Variants in ICOS observed in about 807,000 individuals in gnomAD.
The protein encoded by ICOS is inducible T-cell costimulator.
In ICOS, 15 loss-of-function variants were observed where a neutral mutation model predicts 24.6. The ratio of observed to expected loss-of-function variants is 0.61; its 90% CI spans 0.41 to 0.94. The LOEUF is 0.94. Among genes scored for constraint, ICOS ranks in the 40% least tolerant of loss-of-function variants. The probability of loss-of-function intolerance (pLI) is 0.00; values close to 1 mark genes in which losing one functional copy is unlikely to be tolerated. For missense variants in ICOS, 200 were observed against 233.0 expected (o/e 0.86, Z 0.92); for synonymous variants, 89 against 77.5 (o/e 1.15, Z -0.78).
rs55655222 is a variant in ICOS at position 203,959,590 on chromosome 2, G to A, written c.591G>A (p.Val197=). 9.5e-5 allele frequency: 154 copies of A among 1,613,178 alleles called. No homozygotes were observed. The East Asian group carries it at 3.3e-3, about 35-fold the overall frequency. ...TATGCTGAATTTTTGTTACAGATGTGACCCTATAATATGGAACTCTGGCAC... is the reference window on the plus strand; with the variant it reads ...TATGCTGAATTTTTGTTACAGATGTAACCCTATAATATGGAACTCTGGCAC... ...NTAKKSRLTD[V]TL The change falls in exon 5 of 5, where the codon GTG becomes GTA. Residue 197 remains valine, a synonymous_variant. Transcript: ENST00000316386.
At chr2:203,949,389 T>C (rs1689929189) in intron 1 of ICOS, among the ~76,000 whole-genome samples, 1 of 152,206 alleles carries the variant, frequency 6.6e-6, no homozygotes. Context: ...AAATCTTTCA[T>C]GCACCCAGGA....
chr2:203,940,770 T>G (rs1185618318), intron 1 of ICOS, among the ~76,000 whole-genome samples: 1 of 152,098 alleles, frequency 6.6e-6, no homozygotes, highest in East Asian at 1.9e-4. Context: ...CCTCTGTTTC[T>G]CTTTCTGTGT....
rs10932029 is a variant in ICOS at position 203,937,045 on chromosome 2, T to C, written c.58+173T>C. ...GTCACTCATGTCACTGTGGATGGCA[T>C]TGAGTTTGCATTGCTGCCTTTGATA... On this transcript the variant is annotated intron_variant, in intron 1 of 4. Transcript: ENST00000316386. Among the ~76,000 whole-genome samples the C allele has an allele frequency of 0.11, 17,376 of 152,124 alleles. 1,261 individuals are homozygous for C. Among genetic ancestry groups the C allele is most frequent in the South Asian group, 0.17 (830 of 4,808 alleles).
intron 1 of ICOS, among the ~76,000 whole-genome samples, chr2:203,955,297 T>C (rs1264781220): frequency 6.6e-6 from 1 of 152,164 alleles, no homozygotes; most frequent in Non-Finnish European, 1.5e-5. Context: ...TTACTACATA[T>C]TTATTCCTTT....
chr2:203,955,988 A>G lies in ICOS; in HGVS notation c.394+17A>G, dbSNP rs773108522. 3.2e-6 allele frequency: 5 copies of G among 1,553,094 alleles called. No individual in the cohort carries two copies. The Admixed American group carries it at 6.7e-5, about 21-fold the overall frequency. On this transcript the variant is annotated intron_variant, in intron 2 of 4. Coordinates refer to ENST00000316386, the MANE Select transcript of ICOS (RefSeq NM_012092.4). ...ATATTTATGGTAAGACATTGCTTTC[A>G]TCTTCCAAACTTAAGAGTATATATA...
chr2:203,953,938 C>CA (rs1177442668), intron 1 of ICOS, among the ~76,000 whole-genome samples: 1 of 151,966 alleles, frequency 6.6e-6, no homozygotes, highest in Non-Finnish European at 1.5e-5. Flanking sequence ...AGATAAAGAG[C>CA]AAAAATATAC....
At chr2:203,955,030 C>G (rs1238754374) in intron 1 of ICOS, among the ~76,000 whole-genome samples, 1 of 151,942 alleles carries the variant, frequency 6.6e-6, no homozygotes, top group Non-Finnish European at 1.5e-5. Flanking sequence ...ACACATGGTT[C>G]TTGTCAGAGT....
intron 1 of ICOS, among the ~76,000 whole-genome samples, chr2:203,937,801 A>C (rs1287248696): frequency 6.6e-6 from 1 of 152,174 alleles, no homozygotes; most frequent in Non-Finnish European, 1.5e-5. Flanking sequence ...AATCAAATTG[A>C]TCAAATGTTT....
chr2:203,957,519 A>T (rs1690098036), intron 3 of ICOS, among the ~76,000 whole-genome samples: 1 of 152,168 alleles, frequency 6.6e-6, no homozygotes, highest in Admixed American at 6.5e-5. Context: ...TGGAATTTGG[A>T]AAGAGACATA....
chr2:203,954,515 G>A (rs1334517008), intron 1 of ICOS, among the ~76,000 whole-genome samples: 1 of 152,120 alleles, frequency 6.6e-6, no homozygotes, highest in African/African-American at 2.4e-5. Context: ...CTTGAGTCAA[G>A]GAAGTGGAGG....
intron 1 of ICOS, 55 bp downstream of exon 1, chr2:203,936,927 A>G (rs893592606): frequency 4.4e-6 from 6 of 1,371,432 alleles, no homozygotes; most frequent in Non-Finnish European, 6.2e-6. Context: ...AAACATTAAG[A>G]AAAAGCAAAG....
rs1205218960 is a variant in ICOS at position 203,960,443 on chromosome 2, G to A, written c.*844G>A. ...TTCTTTTCTCAAATTCAGTTAAAAT[G>A]GTTTACTTTGTTCAAGTTAGTGGTA... On this transcript the variant is annotated 3_prime_UTR_variant, in exon 5 of 5. Coordinates refer to ENST00000316386, the MANE Select transcript of ICOS (RefSeq NM_012092.4). 1.3e-5 allele frequency: 2 copies of A among 152,052 alleles called. No individual in the cohort carries two copies. The highest frequency in any genetic ancestry group is 1.3e-4 in the Admixed American group (2 of 15,272). 9.4% of individuals were successfully genotyped at this position (152,052 alleles called of 1,614,324 possible).
intron 1 of ICOS, among the ~76,000 whole-genome samples, chr2:203,952,291 T>G (rs1461354277): frequency 6.6e-6 from 1 of 152,224 alleles, no homozygotes; most frequent in African/African-American, 2.4e-5. Context: ...TATACTTCAC[T>G]TAGAAAAGTT....
intron 1 of ICOS, among the ~76,000 whole-genome samples, chr2:203,952,314 T>A (rs1474305058): frequency 2.6e-5 from 4 of 152,234 alleles, no homozygotes; most frequent in African/African-American, 9.6e-5. Context: ...AAATTACATA[T>A]ACCTTCACTA....
intron 1 of ICOS, among the ~76,000 whole-genome samples, chr2:203,940,922 T>C (rs1008486852): frequency 6.6e-6 from 1 of 152,124 alleles, no homozygotes; most frequent in Admixed American, 6.6e-5. Flanking sequence ...TAGGTGAGAC[T>C]ACAGGCACCC....
At chr2:203,945,454 C>A (rs1404301415) in intron 1 of ICOS, among the ~76,000 whole-genome samples, 1 of 152,114 alleles carries the variant, frequency 6.6e-6, no homozygotes, top group Non-Finnish European at 1.5e-5. Context: ...AGTCACGTGC[C>A]ACTTGACGAT....
chr2:203,953,990 T>C (rs560289275), intron 1 of ICOS, among the ~76,000 whole-genome samples: 290 of 152,288 alleles, frequency 1.9e-3, no homozygotes, highest in African/African-American at 6.8e-3. Context: ...GTAATTTTTT[T>C]CCTTAAAATT....
Position 203,960,591 on chromosome 2 carries a change from A to T in ICOS, c.*992A>T, listed in dbSNP as rs868729608. 6.6e-6 allele frequency: 1 copy of T among 152,240 alleles called. No individual in the cohort carries two copies. The highest frequency in any genetic ancestry group is 2.4e-5 in the African/African-American group (1 of 41,452). 9.4% of individuals were successfully genotyped at this position (152,240 alleles called of 1,614,324 possible). ...TTTTTGTAGATCATATTAAAATTGC[A>T]AACAAAATCATCTTTAATGGGCCAG... On this transcript the variant is annotated 3_prime_UTR_variant, in exon 5 of 5. Coordinates refer to ENST00000316386, the MANE Select transcript of ICOS (RefSeq NM_012092.4).
chr2:203,942,009 T>C (rs965288772), intron 1 of ICOS, among the ~76,000 whole-genome samples: 1 of 152,216 alleles, frequency 6.6e-6, no homozygotes, highest in East Asian at 1.9e-4. Flanking sequence ...AAGAAACACG[T>C]TGTCCCCAAA....
Sources: gnomAD v4.1 joint callset for allele counts (sites outside exome capture counted in the v4.1 genomes callset) on GRCh38, gnomAD v4.1.1 for gene constraint, MANE v1.5 for transcripts, NCBI Gene and HGNC (gene_info 2026-07-23, HGNC 2026-07-21) for gene names.